SLIT3: variants seen among roughly 807,000 people sequenced by gnomAD.
The protein encoded by SLIT3 is slit guidance ligand 3.
Under a neutral mutation model 184.0 loss-of-function variants are expected in SLIT3, and 68 were observed. The ratio of observed to expected loss-of-function variants is 0.37; its 90% CI spans 0.30 to 0.45. The LOEUF is 0.45. Among genes scored for constraint, SLIT3 ranks in the 20% least tolerant of loss-of-function variants. SLIT3 has a pLI of 1.00. For missense variants in SLIT3, 1,707 were observed against 2,026.0 expected, an observed-to-expected ratio of 0.84 and a Z score of 3.02; for synonymous variants, 831 against 828.6, an observed-to-expected ratio of 1.00 and a Z score of -0.05.
chr5:169,249,878 G>A lies in SLIT3; in HGVS notation c.269+1510C>T, dbSNP rs562498651. Among the ~76,000 whole-genome samples, 48 of 152,254 alleles carry A rather than the reference G, an allele frequency of 3.2e-4. 1 individual carries two copies. The highest frequency in any genetic ancestry group is 6.2e-4 in the Non-Finnish European group (42 of 68,048). ...GAGGAGAGTGTTTGAGACCAAAGACGGAGAACATGTCGGTGTGGAGAGCAT... is the reference window on the plus strand; with the variant it reads ...GAGGAGAGTGTTTGAGACCAAAGACAGAGAACATGTCGGTGTGGAGAGCAT... On this transcript the variant is annotated intron_variant, in intron 2 of 35. Transcript: ENST00000519560.
At chr5:168,913,782 T>C (rs564005974) in intron 4 of SLIT3, among the ~76,000 whole-genome samples, 4 of 148,054 alleles carry the variant, frequency 2.7e-5, no homozygotes, top group African/African-American at 4.9e-5. Context: ...AAACAAAAAA[T>C]AGACGTAAAA....
At chr5:168,915,779 T>A (rs1290705477) in intron 4 of SLIT3, among the ~76,000 whole-genome samples, 1 of 152,152 alleles carries the variant, frequency 6.6e-6, no homozygotes, top group African/African-American at 2.4e-5. Context: ...TGGAACCGCA[T>A]CGTTTTGGAC....
At chr5:168,774,145 G>A (rs1487606538) in intron 13 of SLIT3, 90 bp downstream of exon 13, 108 of 1,287,136 alleles carry the variant, frequency 8.4e-5, no homozygotes, top group South Asian at 7.9e-4. Context: ...GGATGTGCTC[G>A]TGCTGCCCTC....
intron 27 of SLIT3, 53 bp from the exon 28 acceptor site, chr5:168,696,484 T>C: frequency 6.2e-7 from 1 of 1,602,280 alleles, no homozygotes; most frequent in South Asian, 1.1e-5. Context: ...GGGAGAGAGG[T>C]GGGTTGGGAT....
chr5:168,885,959 A>T (rs1480200873), intron 4 of SLIT3, among the ~76,000 whole-genome samples: 1 of 152,178 alleles, frequency 6.6e-6, no homozygotes, highest in Non-Finnish European at 1.5e-5. Flanking sequence ...AAAATCCTGC[A>T]CTTGGGTGGG....
Position 168,872,831 on chromosome 5 carries a change from G to A in SLIT3, c.485+10434C>T, listed in dbSNP as rs560737709. Among the ~76,000 whole-genome samples, 20 of 151,872 alleles carry A rather than the reference G, an allele frequency of 1.3e-4. 1 individual carries two copies. Among genetic ancestry groups the A allele is most frequent in the African/African-American group, 4.1e-4 (17 of 41,414 alleles). ...AATTTTTCGTATTTTTAGTAGAGAC[G>A]GGGTTTCACCGTGTTAGCCAGGATG... On this transcript the variant is annotated intron_variant, in intron 5 of 35. Coordinates refer to ENST00000519560, the MANE Select transcript of SLIT3 (RefSeq NM_003062.4).
intron 9 of SLIT3, among the ~76,000 whole-genome samples, chr5:168,804,448 G>A (rs1046620300): frequency 2.1e-4 from 32 of 152,170 alleles, no homozygotes; most frequent in South Asian, 8.3e-4. Flanking sequence ...TTGGAAGGCC[G>A]TAGGAGGAGC....
intron 6 of SLIT3, among the ~76,000 whole-genome samples, chr5:168,840,011 G>A (rs1758187875): frequency 6.6e-6 from 1 of 152,194 alleles, no homozygotes; most frequent in African/African-American, 2.4e-5. Flanking sequence ...GTCTTAATCT[G>A]GACAGTGAGA....
intron 4 of SLIT3, among the ~76,000 whole-genome samples, chr5:168,948,822 G>A (rs1451792271): frequency 6.6e-6 from 1 of 152,154 alleles, no homozygotes; most frequent in South Asian, 2.1e-4. Flanking sequence ...TGTGAGCACC[G>A]CAGGGCTCTG....
chr5:168,782,646 G>A (rs1756015338), intron 12 of SLIT3, among the ~76,000 whole-genome samples: 1 of 152,166 alleles, frequency 6.6e-6, no homozygotes, highest in Non-Finnish European at 1.5e-5. Flanking sequence ...CCCACCCCTG[G>A]AGTTGGGATC....
intron 9 of SLIT3, among the ~76,000 whole-genome samples, chr5:168,799,442 C>T (rs1203398990): frequency 6.6e-6 from 1 of 152,192 alleles, no homozygotes; most frequent in African/African-American, 2.4e-5. Flanking sequence ...GAGTGTCTTC[C>T]CGCACCAGCA....
At chr5:169,217,018 G>A (rs755284486) in intron 3 of SLIT3, among the ~76,000 whole-genome samples, 27 of 151,816 alleles carry the variant, frequency 1.8e-4, no homozygotes, top group Admixed American at 1.3e-3. Flanking sequence ...GAAACCATCC[G>A]GGGAGACCTC....
chr5:169,038,050 T>C (rs1202226855), intron 4 of SLIT3: 1 of 152,264 alleles, frequency 6.6e-6, no homozygotes, highest in East Asian at 1.9e-4. Context: ...TTTTCGTTTT[T>C]TTTAAAAATT....
At chr5:169,169,933 A>G (rs1476796685) in intron 4 of SLIT3, among the ~76,000 whole-genome samples, 1 of 152,224 alleles carries the variant, frequency 6.6e-6, no homozygotes, top group Non-Finnish European at 1.5e-5. Context: ...ACAGAGCGCA[A>G]GTCCAGCCCT....
intron 5 of SLIT3, among the ~76,000 whole-genome samples, chr5:168,880,872 GC>G (rs1759924670): frequency 6.6e-6 from 1 of 152,140 alleles, no homozygotes; most frequent in African/African-American, 2.4e-5. Flanking sequence ...CTACTTATTA[GC>G]CAACTTTCAT....
At chr5:169,229,268 C>A (rs1764912142) in intron 3 of SLIT3, among the ~76,000 whole-genome samples, 1 of 151,908 alleles carries the variant, frequency 6.6e-6, no homozygotes, top group South Asian at 2.1e-4. Flanking sequence ...TAAAACAAAA[C>A]TAAAATCTAG....
intron 4 of SLIT3, among the ~76,000 whole-genome samples, chr5:169,078,937 C>T (rs1171349139): frequency 1.3e-5 from 2 of 152,156 alleles, no homozygotes; most frequent in African/African-American, 4.8e-5. Context: ...TTTTTAAATG[C>T]CATAGTTCAA....
chr5:168,857,866 T>C (rs957208806), intron 5 of SLIT3, among the ~76,000 whole-genome samples: 116 of 152,208 alleles, frequency 7.6e-4, no homozygotes, highest in African/African-American at 2.8e-3. Context: ...ACGGTGTGCC[T>C]ATCAGGTAGA....
chr5:168,683,516 G>T (rs775822816), intron 32 of SLIT3, among the ~76,000 whole-genome samples: 2 of 152,184 alleles, frequency 1.3e-5, no homozygotes, highest in Non-Finnish European at 1.5e-5. Flanking sequence ...TGCCCTTCAG[G>T]ATGGTTTGAA....
Sources: gnomAD v4.1 joint callset for allele counts (sites outside exome capture counted in the v4.1 genomes callset) on GRCh38, gnomAD v4.1.1 for gene constraint, MANE v1.5 for transcripts, NCBI Gene and HGNC (gene_info 2026-07-23, HGNC 2026-07-21) for gene names.